Variants in UBE2C observed in about 807,000 individuals in gnomAD.
UBE2C encodes the protein ubiquitin-conjugating enzyme E2 C.
UBE2C carries 16 observed loss-of-function variants against 23.5 expected under a neutral mutation model. The ratio of observed to expected loss-of-function variants is 0.68; its 90% CI spans 0.46 to 1.03. The LOEUF is 1.03. Among genes scored for constraint, UBE2C ranks in the 50% least tolerant of loss-of-function variants. The probability of loss-of-function intolerance (pLI) is 0.00; values close to 1 mark genes in which losing one functional copy is unlikely to be tolerated. For synonymous variants in UBE2C, 76 were observed against 91.6 expected (o/e 0.83, Z 0.97); for missense variants, 192 against 227.6 (o/e 0.84, Z 1.01).
At chr20:45,814,695 A>T (rs1982321164) in intron 3 of UBE2C, among the ~76,000 whole-genome samples, 2 of 152,226 alleles carry the variant, frequency 1.3e-5, no homozygotes, top group Admixed American at 6.5e-5. Flanking sequence ...ACAGCAAGGA[A>T]ATGGATGAAG....
chr20:45,816,619 A>AGAGT, intron 5 of UBE2C, 90 bp from the exon 6 acceptor site: 1 of 1,232,000 alleles, frequency 8.1e-7, no homozygotes, highest in Non-Finnish European at 1.2e-6. Flanking sequence ...CTTGGTCAAC[A>AGAGT]GAGTGAGACT....
Position 45,814,250 on chromosome 20 carries a change from A to G in UBE2C, c.130-134A>G, listed in dbSNP as rs1047665397. The G allele has an allele frequency of 7.9e-5, 28 of 355,858 alleles. 1 individual carries two copies. Among genetic ancestry groups the G allele is most frequent in the East Asian group, 2.9e-4 (5 of 17,376 alleles). 22.0% of individuals were successfully genotyped at this position (355,858 alleles called of 1,614,324 possible). A position where few individuals can be genotyped will look rare whatever the true frequency, so the allele number is the denominator to read the frequency against. ...TATATGTGTGTGTGTATACATATAT[A>G]TGTGTGTGTGTGTATGTGAGCATAT... On this transcript the variant is annotated intron_variant, in intron 2 of 5. Transcript: ENST00000356455.
At chr20:45,814,128 A>ATCTCTCTCTCTCTCTC in intron 2 of UBE2C, among the ~76,000 whole-genome samples, 1 of 140,978 alleles carries the variant, frequency 7.1e-6, no homozygotes, top group African/African-American at 2.8e-5. Context: ...CTCTCTCTCA[A>ATCTCTCTCTCTCTCTC]TCTCTCTCTC....
chr20:45,814,324 C>G, intron 2 of UBE2C, 60 bp from the exon 3 acceptor site: 1 of 1,179,290 alleles, frequency 8.5e-7, no homozygotes, highest in Non-Finnish European at 1.2e-6. Flanking sequence ...AGCTCACCCA[C>G]TGACCTTTGC....
At chr20:45,814,833 CTTTT>C (rs1363100171) in intron 3 of UBE2C, among the ~76,000 whole-genome samples, 5 of 141,318 alleles carry the variant, frequency 3.5e-5, no homozygotes, top group African/African-American at 5.2e-5. Context: ...AACTAATATT[CTTTT>C]TTTTTTTTTT....
chr20:45,813,204 T>C (rs1982092013), intron 1 of UBE2C: 2 of 1,432,884 alleles, frequency 1.4e-6, no homozygotes, highest in East Asian at 2.5e-5. Context: ...TGCTAAAGCC[T>C]GGGGAATTAA....
chr20:45,815,560 A>T lies in UBE2C; in HGVS notation c.236A>T (p.Tyr79Phe), dbSNP rs761667583. ...AAGTVYEDLRYKLSLEFPSGY... is the reference protein window; with the variant it reads ...AAGTVYEDLRFKLSLEFPSGY... ...TGCCAGGTATATGAAGACCTGAGGT[A>T]TAAGCTCTCGCTAGAGTTCCCCAGT... Residue 79 changes from tyrosine to phenylalanine, a missense_variant, in exon 4 of 6, where the codon TAT becomes TTT. Transcript: ENST00000356455. 9.3e-6 allele frequency: 15 copies of T among 1,613,972 alleles called. No homozygotes were observed. The African/African-American group carries it at 1.7e-4, about 19-fold the overall frequency.
At chr20:45,812,869 G>C in intron 1 of UBE2C, 73 bp downstream of exon 1, 1 of 1,482,772 alleles carries the variant, frequency 6.7e-7, no homozygotes, top group Non-Finnish European at 9.0e-7. Flanking sequence ...AAGATTTCTA[G>C]GACCACCCCC....
chr20:45,813,971 G>A (rs1245943415), intron 2 of UBE2C, among the ~76,000 whole-genome samples: 1 of 151,830 alleles, frequency 6.6e-6, no homozygotes, highest in Admixed American at 6.6e-5. Context: ...CAGGCATGGT[G>A]GTGCATGCCT....
At chr20:45,812,822 CG>C (rs1192259095) in intron 1 of UBE2C, 26 bp downstream of exon 1, 1 of 1,545,444 alleles carries the variant, frequency 6.5e-7, no homozygotes, top group Non-Finnish European at 8.7e-7. Context: ...TACCACTCGC[CG>C]GGCCTGCCAT....
rs1158772080 is a variant in UBE2C at position 45,814,146 on chromosome 20, C to CTCTCTCTCTCTA, written c.130-237_130-236insCTCTCTCTCTAT. On this transcript the variant is annotated intron_variant, in intron 2 of 5. Coordinates refer to ENST00000356455, the MANE Select transcript of UBE2C (RefSeq NM_007019.4). The stretch of plus-strand genomic sequence containing the variant: ...TCTCTCAATCTCTCTCTCTCTCTCT[C>CTCTCTCTCTCTA]TATATATATATATATGTAAATATAT... 2.4e-3 allele frequency among the ~76,000 whole-genome samples: 324 copies of CTCTCTCTCTCTA among 133,934 alleles called. 4 individuals are homozygous for CTCTCTCTCTCTA. In the East Asian group the frequency reaches 0.032, roughly 13 times the overall value. 87.9% of individuals were successfully genotyped at this position (133,934 alleles called of 152,430 possible).
At chr20:45,812,871 A>G (rs45590234) in intron 1 of UBE2C, 75 bp downstream of exon 1, 46,476 of 1,477,162 alleles carry the variant, frequency 0.031, 959 homozygotes, top group African/African-American at 0.08. Flanking sequence ...GATTTCTAGG[A>G]CCACCCCCCG....
intron 5 of UBE2C, among the ~76,000 whole-genome samples, chr20:45,816,374 GCCTGTAAT>G (rs140928706): frequency 0.017 from 2,529 of 152,294 alleles, 69 homozygotes; most frequent in African/African-American, 0.058. Context: ...AGTGGCTCAT[GCCTGTAAT>G]CCTAGCACTT....
At position 45,812,881 on chromosome 20, in the gene UBE2C, G is replaced by A. The variant is rs906831862; in HGVS notation, c.101+85G>A. On this transcript the variant is annotated intron_variant, in intron 1 of 5. Transcript: ENST00000356455. ...GCAAAGATTTCTAGGACCACCCCCC[G>A]CCGCCACCTCCTGGAGCGGGAGATC... The A allele has an allele frequency of 4.8e-6, 7 of 1,463,602 alleles. No individual in the cohort carries two copies. The African/African-American group carries it at 8.5e-5, about 18-fold the overall frequency. 90.7% of individuals were successfully genotyped at this position (1,463,602 alleles called of 1,614,324 possible).
intron 3 of UBE2C, chr20:45,815,321 C>A: frequency 6.7e-7 from 1 of 1,499,298 alleles, no homozygotes; most frequent in Non-Finnish European, 8.9e-7. Context: ...GAGTTTGAGA[C>A]TGGCCTGGGC....
intron 2 of UBE2C, 83 bp from the exon 3 acceptor site, chr20:45,814,301 A>ATAT (rs1568714809): frequency 8.5e-6 from 4 of 469,810 alleles, no homozygotes; most frequent in Non-Finnish European, 3.2e-6. Context: ...TATATATATA[A>ATAT]AATTAAGGGG....
intron 5 of UBE2C, 31 bp from the exon 6 acceptor site, chr20:45,816,678 C>A: frequency 6.3e-7 from 1 of 1,599,348 alleles, no homozygotes; most frequent in Non-Finnish European, 8.5e-7. Context: ...CTGTCTCCAT[C>A]ACTCACTGAG....
intron 2 of UBE2C, 101 bp downstream of exon 2, chr20:45,813,565 G>T: frequency 1.3e-6 from 2 of 1,523,512 alleles, no homozygotes; most frequent in Non-Finnish European, 1.8e-6. Context: ...AATGTAATTT[G>T]CTCCCTCCTG....
At chr20:45,813,659 C>CTA (rs10644382) in intron 2 of UBE2C, among the ~76,000 whole-genome samples, 195 bp downstream of exon 2, 9,285 of 152,216 alleles carry the variant, frequency 0.061, 309 homozygotes, top group Middle Eastern at 0.1. Context: ...GAAGTTATCT[C>CTA]GAACACTTCC....
Sources: allele counts gnomAD v4.1 joint callset (sites outside exome capture counted in the v4.1 genomes callset), GRCh38; gene constraint gnomAD v4.1.1; transcripts MANE v1.5; gene names NCBI Gene and HGNC (gene_info 2026-07-23, HGNC 2026-07-21).